The following PGM2L1 variants were observed in gnomAD, a reference collection of about 807,000 sequenced individuals.
PGM2L1 encodes glucose 1,6-bisphosphate synthase.
In PGM2L1, 35 loss-of-function variants were observed where a neutral mutation model predicts 73.4. The ratio of observed to expected loss-of-function variants is 0.48; its 90% CI spans 0.36 to 0.63. The LOEUF is 0.63. Among genes scored for constraint, PGM2L1 ranks in the 30% least tolerant of loss-of-function variants. The pLI, the probability that PGM2L1 is intolerant of heterozygous loss-of-function variation, is 0.00. For missense variants in PGM2L1, 570 were observed against 742.0 expected (o/e 0.77, Z 2.69); for synonymous variants, 225 against 253.8 (o/e 0.89, Z 1.08).
chr11:74,393,425 A>G (rs532145860), intron 1 of PGM2L1, among the ~76,000 whole-genome samples: 2 of 152,286 alleles, frequency 1.3e-5, no homozygotes, highest in East Asian at 3.9e-4. Flanking sequence ...TGTATTTCCC[A>G]TCACATAATG....
At chr11:74,352,980 C>A (rs1862381146) in intron 5 of PGM2L1, among the ~76,000 whole-genome samples, 1 of 152,134 alleles carries the variant, frequency 6.6e-6, no homozygotes. Context: ...AGAAAAAGTC[C>A]TGCCCACTAT....
chr11:74,353,467 G>T (rs1862390170), intron 5 of PGM2L1, among the ~76,000 whole-genome samples: 1 of 151,608 alleles, frequency 6.6e-6, no homozygotes. Context: ...GGTTTTCCTA[G>T]GCAGAGGACC....
Position 74,374,522 on chromosome 11 carries a change from G to C in PGM2L1, c.172C>G (p.Arg58Gly), listed in dbSNP as rs1452899724. 1.2e-6 allele frequency: 2 copies of C among 1,613,938 alleles called. No homozygotes were observed. Among genetic ancestry groups the C allele is most frequent in the African/African-American group, 2.7e-5 (2 of 74,898 alleles). Residue 58 changes from arginine to glycine, a missense_variant, in exon 2 of 14, where the codon CGA becomes GGA. Coordinates refer to ENST00000298198, the MANE Select transcript of PGM2L1 (RefSeq NM_173582.6). ...GTCATTCGGCAACAAAGACGATCTC[G>C]CAGCTCCTTGTTCATCCCATTCCGT... ...LLRNGMNKEL[R>G]DRLCCRMTFG...
intron 1 of PGM2L1, among the ~76,000 whole-genome samples, chr11:74,390,794 C>G (rs573810506): frequency 5.9e-5 from 9 of 152,270 alleles, no homozygotes; most frequent in Non-Finnish European, 1.3e-4. Flanking sequence ...AAAATGAAAT[C>G]TTGTCTTCAA....
At chr11:74,363,322 T>G (rs902073858) in intron 5 of PGM2L1, among the ~76,000 whole-genome samples, 1 of 151,036 alleles carries the variant, frequency 6.6e-6, no homozygotes, top group African/African-American at 2.4e-5. Flanking sequence ...ACATCACAAT[T>G]AAAAGAACTA....
chr11:74,354,769 G>A lies in PGM2L1; in HGVS notation c.556-3193C>T. On this transcript the variant is annotated intron_variant, in intron 5 of 13. Transcript: ENST00000298198. ...CTTAACTGTGAAAAAGCTATTTGTT[G>A]GTAGCATTAAAGAAGACCCTGAAGA... 2.8e-6 allele frequency: 3 copies of A among 1,056,290 alleles called. No individual in the cohort carries two copies. The Admixed American group carries it at 5.1e-5, about 18-fold the overall frequency. 65.4% of individuals were successfully genotyped at this position (1,056,290 alleles called of 1,614,324 possible).
intron 12 of PGM2L1, among the ~76,000 whole-genome samples, chr11:74,341,544 T>C (rs747959369): frequency 1.3e-5 from 2 of 151,692 alleles, no homozygotes; most frequent in South Asian, 2.1e-4. Flanking sequence ...ATACAAAAAT[T>C]AGTCAGGCGT....
At chr11:74,397,420 TAA>T (rs1863192893) in intron 1 of PGM2L1, 2 of 152,148 alleles carry the variant, frequency 1.3e-5, no homozygotes, top group African/African-American at 4.8e-5. Context: ...AATCCTGTAT[TAA>T]GAGTACCACA....
intron 5 of PGM2L1, among the ~76,000 whole-genome samples, chr11:74,363,754 C>T (rs1036198696): frequency 1.4e-4 from 21 of 152,076 alleles, no homozygotes; most frequent in African/African-American, 3.4e-4. Context: ...CAGGACCAGA[C>T]GGATTCACAG....
rs746146277 is a variant in PGM2L1 at position 74,332,863 on chromosome 11, G to A, written c.*3789C>T. On this transcript the variant is annotated 3_prime_UTR_variant, in exon 14 of 14. Coordinates refer to ENST00000298198, the MANE Select transcript of PGM2L1 (RefSeq NM_173582.6). ...AAATAACAACATATATATTCAAAACGAAAACCTCAAATAACCTAAGCCACT... is the reference window on the plus strand; with the variant it reads ...AAATAACAACATATATATTCAAAACAAAAACCTCAAATAACCTAAGCCACT... The A allele has an allele frequency of 2.0e-5, 3 of 152,548 alleles. No homozygotes were observed. Among genetic ancestry groups the A allele is most frequent in the Admixed American group, 6.5e-5 (1 of 15,280 alleles). The allele number at this position is 152,548 out of a possible 1,614,324, so 9.4% of individuals were successfully genotyped here.
chr11:74,338,131 A>G lies in PGM2L1; in HGVS notation c.1766+337T>C, dbSNP rs138999911. 1.1e-3 allele frequency among the ~76,000 whole-genome samples: 163 copies of G among 152,326 alleles called. 2 individuals are homozygous for G. Among genetic ancestry groups the G allele is most frequent in the Non-Finnish European group, 1.6e-3 (107 of 68,032 alleles). ...CAACTGAATCATGGTGGAACCTAGA[A>G]ACCATTATACTAAGTAAAAGACGGC... On this transcript the variant is annotated intron_variant, in intron 13 of 13. Transcript: ENST00000298198.
At chr11:74,353,521 AG>A (rs1565437844) in intron 5 of PGM2L1, among the ~76,000 whole-genome samples, 2 of 151,058 alleles carry the variant, frequency 1.3e-5, no homozygotes, top group African/African-American at 4.9e-5. Context: ...ACTTGAGATT[AG>A]GGAGTAGTGA....
At chr11:74,380,125 CTATT>C (rs1862917024) in intron 1 of PGM2L1, among the ~76,000 whole-genome samples, 1 of 152,048 alleles carries the variant, frequency 6.6e-6, no homozygotes, top group Non-Finnish European at 1.5e-5. Context: ...TTTTGTTTAT[CTATT>C]TATTATTTTG....
At chr11:74,356,405 C>T (rs1166422819) in intron 5 of PGM2L1, among the ~76,000 whole-genome samples, 2 of 152,042 alleles carry the variant, frequency 1.3e-5, no homozygotes, top group African/African-American at 2.4e-5. Context: ...CATCCATAAT[C>T]AATAAATGAT....
intron 5 of PGM2L1, among the ~76,000 whole-genome samples, chr11:74,353,122 G>A (rs1862383566): frequency 6.6e-6 from 1 of 152,120 alleles, no homozygotes; most frequent in South Asian, 2.1e-4. Flanking sequence ...CCCCCAGTCA[G>A]TGAAATCCTT....
At chr11:74,350,328 A>G (rs1404448890) in intron 6 of PGM2L1, among the ~76,000 whole-genome samples, 1 of 152,226 alleles carries the variant, frequency 6.6e-6, no homozygotes, top group Non-Finnish European at 1.5e-5. Context: ...TTAGCTATTT[A>G]CAGAAGAGTT....
intron 13 of PGM2L1, among the ~76,000 whole-genome samples, chr11:74,337,548 T>G (rs1433902201): frequency 6.6e-6 from 1 of 152,200 alleles, no homozygotes; most frequent in African/African-American, 2.4e-5. Flanking sequence ...ATTGAGCAAT[T>G]ACAATATTAT....
intron 1 of PGM2L1, among the ~76,000 whole-genome samples, chr11:74,393,236 A>T (rs1863128976): frequency 6.6e-6 from 1 of 152,232 alleles, no homozygotes; most frequent in African/African-American, 2.4e-5. Context: ...TGCCAAATTC[A>T]GTATTAGAAA....
chr11:74,341,678 C>G lies in PGM2L1; in HGVS notation c.1632+783G>C, dbSNP rs924522385. ...CTGCACTCCAGCCTGGTAGACAGAGCGAGACACTGTCTCAAGGAAAAAAAA... is the reference window on the plus strand; with the variant it reads ...CTGCACTCCAGCCTGGTAGACAGAGGGAGACACTGTCTCAAGGAAAAAAAA... On this transcript the variant is annotated intron_variant, in intron 12 of 13. Transcript: ENST00000298198. 3.4e-5 allele frequency among the ~76,000 whole-genome samples: 4 copies of G among 119,240 alleles called. No homozygotes were observed. In the Admixed American group the frequency reaches 4.7e-4, roughly 14 times the overall value. 78.2% of individuals were successfully genotyped at this position (119,240 alleles called of 152,430 possible). A position where few individuals can be genotyped will look rare whatever the true frequency, so the allele number is the denominator to read the frequency against.
Sources: gnomAD v4.1 joint callset for allele counts (sites outside exome capture counted in the v4.1 genomes callset) on GRCh38, gnomAD v4.1.1 for gene constraint, MANE v1.5 for transcripts, NCBI Gene and HGNC (gene_info 2026-07-23, HGNC 2026-07-21) for gene names.